MAGI3: variants seen among roughly 807,000 people sequenced by gnomAD.
The protein encoded by MAGI3 is membrane associated guanylate kinase, WW and PDZ domain containing 3.
A neutral mutation model predicts 121.8 loss-of-function variants in MAGI3; 43 were observed. The observed-to-expected ratio is 0.35, with a 90% CI of 0.28 to 0.46. MAGI3 has a LOEUF of 0.46. MAGI3 is among the 20% of genes least tolerant of loss of function. The pLI is 1.00. For synonymous variants in MAGI3, 553 were observed against 639.3 expected, an observed-to-expected ratio of 0.86 and a Z score of 2.04; for missense variants, 1,547 against 1,797.3, an observed-to-expected ratio of 0.86 and a Z score of 2.52.
Position 113,561,288 on chromosome 1 carries a change from C to T in MAGI3, c.433+11657C>T, listed in dbSNP as rs550687422. Among the ~76,000 whole-genome samples the T allele has an allele frequency of 1.1e-4, 16 of 152,294 alleles. No individual in the cohort carries two copies. The South Asian group carries it at 3.3e-3, about 32-fold the overall frequency. On this transcript the variant is annotated intron_variant, in intron 2 of 20. Coordinates refer to ENST00000307546, the MANE Select transcript of MAGI3 (RefSeq NM_001142782.2). ...TATGAGGCCAGCATCATCCTGATACCAAAACCTGGCAGAGATACAACAAAA... is the reference window on the plus strand; with the variant it reads ...TATGAGGCCAGCATCATCCTGATACTAAAACCTGGCAGAGATACAACAAAA...
intron 1 of MAGI3, among the ~76,000 whole-genome samples, chr1:113,484,383 C>T (rs1394355032): frequency 6.6e-6 from 1 of 152,032 alleles, no homozygotes; most frequent in Non-Finnish European, 1.5e-5. Context: ...AGTGTGTAGT[C>T]ATTTATCCCT....
At chr1:113,600,858 G>A (rs1359580067) in intron 6 of MAGI3, among the ~76,000 whole-genome samples, 1 of 152,146 alleles carries the variant, frequency 6.6e-6, no homozygotes, top group African/African-American at 2.4e-5. Flanking sequence ...CATGGTACTG[G>A]TACCAAAACA....
intron 1 of MAGI3, among the ~76,000 whole-genome samples, chr1:113,527,037 G>T (rs1267286779): frequency 6.6e-6 from 1 of 152,064 alleles, no homozygotes; most frequent in Non-Finnish European, 1.5e-5. Context: ...AGAACTAAAA[G>T]AATTAATATA....
intron 2 of MAGI3, among the ~76,000 whole-genome samples, chr1:113,554,941 C>T (rs1319412211): frequency 6.6e-6 from 1 of 151,854 alleles, no homozygotes; most frequent in Non-Finnish European, 1.5e-5. Context: ...GCCTAGGCAA[C>T]ATGGTGAGAC....
At position 113,488,100 on chromosome 1, in the gene MAGI3, T is replaced by TA. The variant is rs1356102072; in HGVS notation, c.317-61414dup. ...ACATGATTTTTTTCTTGCTTTTTTT[T>TA]ACTACTATTTTAACTTACCGTTATT... On this transcript the variant is annotated intron_variant, in intron 1 of 20. Transcript: ENST00000307546. Among the ~76,000 whole-genome samples the TA allele has an allele frequency of 3.3e-5, 5 of 152,252 alleles. No individual in the cohort carries two copies. In the East Asian group the frequency reaches 7.7e-4, roughly 23 times the overall value.
At chr1:113,392,314 A>G (rs934728452) in intron 1 of MAGI3, among the ~76,000 whole-genome samples, 1 of 152,246 alleles carries the variant, frequency 6.6e-6, no homozygotes, top group Non-Finnish European at 1.5e-5. Context: ...ATTAGAAACC[A>G]AACTGTTTTT....
At chr1:113,514,509 G>A (rs891617251) in intron 1 of MAGI3, among the ~76,000 whole-genome samples, 2 of 151,692 alleles carry the variant, frequency 1.3e-5, no homozygotes, top group Non-Finnish European at 2.9e-5. Context: ...ATCATTCTCA[G>A]TAAACTATCG....
intron 9 of MAGI3, among the ~76,000 whole-genome samples, chr1:113,632,156 A>C (rs974152183): frequency 1.2e-4 from 18 of 152,222 alleles, no homozygotes; most frequent in African/African-American, 4.3e-4. Context: ...ACTTAAAATA[A>C]TCAAGTTATA....
At chr1:113,436,232 C>G (rs1399347892) in intron 1 of MAGI3, among the ~76,000 whole-genome samples, 1 of 152,108 alleles carries the variant, frequency 6.6e-6, no homozygotes, top group Non-Finnish European at 1.5e-5. Context: ...ATTAATCTCT[C>G]TTTACAATTC....
chr1:113,445,734 T>C (rs2101470992), intron 1 of MAGI3, among the ~76,000 whole-genome samples: 1 of 152,352 alleles, frequency 6.6e-6, no homozygotes, highest in African/African-American at 2.4e-5. Flanking sequence ...CAAAAGGCTG[T>C]CGGCTGGCAT....
chr1:113,437,365 C>G (rs1330994856), intron 1 of MAGI3, among the ~76,000 whole-genome samples: 2 of 151,976 alleles, frequency 1.3e-5, no homozygotes, highest in African/African-American at 4.8e-5. Context: ...ATTACTAATT[C>G]AGTAATTCAT....
At position 113,422,145 on chromosome 1, in the gene MAGI3, A is replaced by G. The variant is rs1287593692; in HGVS notation, c.316+30796A>G. Among the ~76,000 whole-genome samples the G allele has an allele frequency of 1.3e-5, 2 of 152,232 alleles. No homozygotes were observed. The highest frequency in any genetic ancestry group is 4.8e-5 in the African/African-American group (2 of 41,452). On this transcript the variant is annotated intron_variant, in intron 1 of 20. Coordinates refer to ENST00000307546, the MANE Select transcript of MAGI3 (RefSeq NM_001142782.2). The surrounding 1 kb of genome is among the most constrained non-coding windows in gnomAD (Gnocchi z 4.3). ...AACTTTTATTGAGCTAACTAAATTCACATGTAGTTATAAGAAATAATAGAG... is the reference window on the plus strand; with the variant it reads ...AACTTTTATTGAGCTAACTAAATTCGCATGTAGTTATAAGAAATAATAGAG...
intron 7 of MAGI3, among the ~76,000 whole-genome samples, chr1:113,615,447 G>A (rs1650401173): frequency 6.6e-6 from 1 of 152,096 alleles, no homozygotes; most frequent in African/African-American, 2.4e-5. Flanking sequence ...AAGACAAAAT[G>A]TTATTATTAC....
intron 1 of MAGI3, among the ~76,000 whole-genome samples, chr1:113,409,166 CTT>C (rs57811709): frequency 1.4e-5 from 2 of 143,494 alleles, no homozygotes; most frequent in Non-Finnish European, 3.1e-5. Context: ...AGGATCTGTT[CTT>C]TTTTTTTTTC....
intron 1 of MAGI3, among the ~76,000 whole-genome samples, chr1:113,518,987 G>GT (rs760002299): frequency 3.3e-5 from 5 of 152,054 alleles, no homozygotes; most frequent in Non-Finnish European, 7.4e-5. Context: ...TAACAAGTTT[G>GT]TTTCCCCCGT....
intron 6 of MAGI3, among the ~76,000 whole-genome samples, chr1:113,614,272 G>A (rs1342348937): frequency 1.3e-5 from 2 of 152,130 alleles, no homozygotes; most frequent in Non-Finnish European, 2.9e-5. Context: ...TGGACTACAA[G>A]GGTAAATATG....
At chr1:113,672,818 A>C in intron 18 of MAGI3, 77 bp downstream of exon 18, 1 of 1,502,034 alleles carries the variant, frequency 6.7e-7, no homozygotes, top group Non-Finnish European at 9.0e-7. Context: ...TTTTATTGCA[A>C]ATCAGTTCAG....
intron 3 of MAGI3, among the ~76,000 whole-genome samples, chr1:113,584,619 A>C (rs1175320293): frequency 1.3e-5 from 2 of 152,162 alleles, no homozygotes; most frequent in Non-Finnish European, 2.9e-5. Flanking sequence ...TCCTCATTTT[A>C]CCAAAATAGT....
Position 113,530,061 on chromosome 1 carries a change from TG to T in MAGI3, c.317-19452del, listed in dbSNP as rs1332001209. Among the ~76,000 whole-genome samples, 9 of 152,286 alleles carry T rather than the reference TG, an allele frequency of 5.9e-5. No individual in the cohort carries two copies. In the South Asian group the frequency reaches 1.7e-3, roughly 28 times the overall value. On this transcript the variant is annotated intron_variant, in intron 1 of 20. Coordinates refer to ENST00000307546, the MANE Select transcript of MAGI3 (RefSeq NM_001142782.2). Reference sequence around the variant, plus strand: ...GTGCATTCAAATAAACAGTGCCATTTGGTTTCTTCTAGTAATGTAAAAGCAG... The same window carrying T: ...GTGCATTCAAATAAACAGTGCCATTTGTTTCTTCTAGTAATGTAAAAGCAG...
Sources: gnomAD v4.1 joint callset for allele counts (sites outside exome capture counted in the v4.1 genomes callset) on GRCh38, gnomAD v4.1.1 for gene constraint, Gnocchi (gnomAD v3.1) non-coding constraint, MANE v1.5 for transcripts, NCBI Gene and HGNC (gene_info 2026-07-23, HGNC 2026-07-21) for gene names.